The following RARB variants were observed in gnomAD, a reference collection of about 807,000 sequenced individuals.
RARB encodes HBV-activated protein.
In RARB, 17 loss-of-function variants were observed where a neutral mutation model predicts 51.9. The observed-to-expected ratio is 0.33, with a 90% CI of 0.22 to 0.49. RARB has a LOEUF of 0.49. Ranked by LOEUF, RARB falls within the 20% of genes least tolerant of loss-of-function variation. The probability of loss-of-function intolerance (pLI) is 0.99; values close to 1 mark genes in which losing one functional copy is unlikely to be tolerated. For synonymous variants in RARB, 215 were observed against 195.4 expected (o/e 1.10, Z -0.84); for missense variants, 369 against 550.8 (o/e 0.67, Z 3.30).
intron 2 of RARB, among the ~76,000 whole-genome samples, chr3:25,465,173 G>GT (rs1695371512): frequency 6.6e-6 from 1 of 152,132 alleles, no homozygotes; most frequent in Non-Finnish European, 1.5e-5. Context: ...CTAGTAGTCT[G>GT]TAAAAAGTAA....
chr3:25,275,143 C>T (rs1703350915), intron 5 of RARB, among the ~76,000 whole-genome samples: 1 of 152,130 alleles, frequency 6.6e-6, no homozygotes, highest in Admixed American at 6.5e-5. Context: ...CACATCATAC[C>T]CACAGACTCT....
At chr3:25,419,510 G>T (rs948590552) in intron 5 of RARB, among the ~76,000 whole-genome samples, 1 of 152,170 alleles carries the variant, frequency 6.6e-6, no homozygotes, top group African/African-American at 2.4e-5. Flanking sequence ...AAAGGAGAGA[G>T]TATCTGTCAT....
chr3:25,532,874 A>G (rs1698984761), intron 3 of RARB, among the ~76,000 whole-genome samples: 1 of 152,212 alleles, frequency 6.6e-6, no homozygotes, highest in Non-Finnish European at 1.5e-5. Flanking sequence ...ATTGCTTTTC[A>G]GGACATTTAA....
intron 5 of RARB, among the ~76,000 whole-genome samples, chr3:25,388,093 A>G (rs1184396812): frequency 6.6e-6 from 1 of 152,180 alleles, no homozygotes; most frequent in Non-Finnish European, 1.5e-5. Context: ...TTTTACCTAT[A>G]TGTTGATTTT....
intron 2 of RARB, among the ~76,000 whole-genome samples, chr3:24,909,292 C>T (rs149903080): frequency 1.1e-3 from 167 of 152,300 alleles, no homozygotes; most frequent in African/African-American, 3.5e-3. Flanking sequence ...TCATTGAGCA[C>T]CTACTATATT....
intron 2 of RARB, among the ~76,000 whole-genome samples, chr3:24,977,078 T>C (rs1294855766): frequency 6.6e-6 from 1 of 152,082 alleles, no homozygotes. Flanking sequence ...TGTAGATGTA[T>C]GGTGTTATTT....
At chr3:25,149,644 C>T (rs1177476466) in intron 4 of RARB, among the ~76,000 whole-genome samples, 1 of 152,200 alleles carries the variant, frequency 6.6e-6, no homozygotes, top group African/African-American at 2.4e-5. Context: ...TTCTGTCTCC[C>T]ACTCACCTCC....
intron 2 of RARB, among the ~76,000 whole-genome samples, chr3:24,948,897 C>G (rs1402015920): frequency 6.6e-6 from 1 of 152,170 alleles, no homozygotes; most frequent in Non-Finnish European, 1.5e-5. Context: ...CAGATTCCAG[C>G]ACTGTGCTTC....
chr3:25,597,519 A>ATAAT lies in RARB; in HGVS notation c.*906_*909dup, dbSNP rs1483234424. 3 of 152,648 alleles carry ATAAT rather than the reference A, an allele frequency of 2.0e-5. No individual in the cohort carries two copies. Among genetic ancestry groups the ATAAT allele is most frequent in the Non-Finnish European group, 4.4e-5 (3 of 68,042 alleles). 9.5% of individuals were successfully genotyped at this position (152,648 alleles called of 1,614,324 possible). ...CAAGCCATTAGGGAAATTTCATGGG[A>ATAAT]TAATTAGCAGGCTGGTCTACCACCT... is the stretch of plus-strand genomic sequence containing the variant. On this transcript the variant is annotated 3_prime_UTR_variant, in exon 8 of 8. Transcript: ENST00000330688.
rs552044366 is a variant in RARB at position 24,891,781 on chromosome 3, A to G, written c.-380+33029A>G. 1.3e-4 allele frequency among the ~76,000 whole-genome samples: 20 copies of G among 152,188 alleles called. No individual in the cohort carries two copies. In the East Asian group the frequency reaches 3.7e-3, roughly 28 times the overall value. ...AAAGTGGTTAAACATCCTAGAGTAG[A>G]TAAGTTGAGAAAGAGTTGCAGTATG... On this transcript the variant is annotated intron_variant, in intron 2 of 11. Transcript: ENST00000383772.
intron 5 of RARB, among the ~76,000 whole-genome samples, chr3:25,244,591 G>C (rs1360996306): frequency 6.6e-6 from 1 of 152,130 alleles, no homozygotes; most frequent in Non-Finnish European, 1.5e-5. Flanking sequence ...CTCAGGAGCA[G>C]GTTGTTCAGT....
chr3:25,155,115 A>G (rs1231531942), intron 4 of RARB, among the ~76,000 whole-genome samples: 2 of 152,208 alleles, frequency 1.3e-5, no homozygotes, highest in East Asian at 1.9e-4. Context: ...TTCCGTATGC[A>G]TTATATTCCA....
chr3:25,020,676 C>T (rs896082339), intron 2 of RARB, among the ~76,000 whole-genome samples: 6 of 151,912 alleles, frequency 3.9e-5, no homozygotes, highest in African/African-American at 1.5e-4. Context: ...TGAAGATCAC[C>T]TTCAAAAGTA....
intron 5 of RARB, among the ~76,000 whole-genome samples, chr3:25,302,570 A>T (rs1704066437): frequency 6.6e-6 from 1 of 152,190 alleles, no homozygotes; most frequent in Non-Finnish European, 1.5e-5. Flanking sequence ...ATGTAACAGA[A>T]AGTAGATTAG....
intron 2 of RARB, among the ~76,000 whole-genome samples, chr3:24,860,066 C>G (rs539479047): frequency 6.6e-6 from 1 of 152,148 alleles, no homozygotes; most frequent in South Asian, 2.1e-4. Flanking sequence ...TGAACCTCCA[C>G]TTGGTTTGTG....
intron 2 of RARB, among the ~76,000 whole-genome samples, chr3:24,919,072 G>GAGT (rs1162606845): frequency 6.6e-6 from 1 of 152,094 alleles, no homozygotes; most frequent in African/African-American, 2.4e-5. Context: ...ATAGCAATAA[G>GAGT]AGTATGTCCC....
At chr3:24,841,932 C>G (rs979124506) in intron 1 of RARB, among the ~76,000 whole-genome samples, 2 of 151,958 alleles carry the variant, frequency 1.3e-5, no homozygotes, top group Non-Finnish European at 2.9e-5. Context: ...ATGAAAGAAC[C>G]TATTGAGAAA....
intron 1 of RARB, among the ~76,000 whole-genome samples, chr3:24,840,742 TA>T (rs55771334): frequency 0.31 from 21,829 of 70,392 alleles, 1,794 homozygotes; most frequent in East Asian, 0.36. Flanking sequence ...TGAGTAAGAG[TA>T]AAAAAAAAAA....
chr3:24,865,671 T>A (rs1423508611), intron 2 of RARB, among the ~76,000 whole-genome samples: 1 of 152,186 alleles, frequency 6.6e-6, no homozygotes, highest in Non-Finnish European at 1.5e-5. Context: ...TATTTTTCTA[T>A]GCTAATAGTT....
Sources: allele counts gnomAD v4.1 joint callset (sites outside exome capture counted in the v4.1 genomes callset), GRCh38; gene constraint gnomAD v4.1.1; transcripts MANE v1.5; gene names NCBI Gene and HGNC (gene_info 2026-07-23, HGNC 2026-07-21).